The following TULP2 variants were observed in gnomAD, a reference collection of about 807,000 sequenced individuals.
The protein encoded by TULP2 is tubby-related protein 2.
TULP2 carries 64 observed loss-of-function variants against 60.3 expected under a neutral mutation model. The ratio of observed to expected loss-of-function variants is 1.06; its 90% CI spans 0.87 to 1.31. The LOEUF (loss-of-function observed/expected upper bound fraction) is 1.31. TULP2 is among the 50% of genes most tolerant of loss of function. The pLI is 0.00. For missense variants in TULP2, 652 were observed against 667.0 expected (o/e 0.98, Z 0.25); for synonymous variants, 267 against 265.4 (o/e 1.01, Z -0.06).
chr19:48,892,555 G>A (rs1172625233), intron 6 of TULP2, among the ~76,000 whole-genome samples: 1 of 151,408 alleles, frequency 6.6e-6, no homozygotes, highest in African/African-American at 2.4e-5. Flanking sequence ...CCAGGCTGGA[G>A]TGCAGTGGCG....
chr19:48,888,301 C>T (rs376440173), intron 7 of TULP2, 40 bp from the exon 8 acceptor site: 26 of 1,546,742 alleles, frequency 1.7e-5, no homozygotes, highest in Admixed American at 7.5e-5. Context: ...GGACAACCAC[C>T]GGCCCAGCCT....
chr19:48,896,415 G>C lies in TULP2; in HGVS notation c.211+15C>G. 6.3e-7 allele frequency: 1 copy of C among 1,593,746 alleles called. No individual in the cohort carries two copies. The highest frequency in any genetic ancestry group is 1.1e-5 in the South Asian group (1 of 88,798). On this transcript the variant is annotated intron_variant, in intron 4 of 12. Coordinates refer to ENST00000221399, the MANE Select transcript of TULP2 (RefSeq NM_003323.3). ...CCTCCCCTCCAGGCGAACGCCCCCA[G>C]GGGTCTTTGGTCACCTCTGTCACCT...
chr19:48,897,332 C>T lies in TULP2; in HGVS notation c.84+13G>A. 1.9e-6 allele frequency: 3 copies of T among 1,613,332 alleles called. No individual in the cohort carries two copies. Among genetic ancestry groups the T allele is most frequent in the Non-Finnish European group, 2.5e-6 (3 of 1,179,680 alleles). On this transcript the variant is annotated intron_variant, in intron 3 of 12. Coordinates refer to ENST00000221399, the MANE Select transcript of TULP2 (RefSeq NM_003323.3). The surrounding 1 kb of genome is among the most constrained non-coding windows in gnomAD (Gnocchi z 4.0). ...CGGAAGAGTTGGAGTGGTGAGATTC[C>T]TGGGCACAATACCTGCTGTTCCAGC...
chr19:48,896,295 C>T (rs933030043), intron 4 of TULP2, 135 bp downstream of exon 4: 1 of 1,313,024 alleles, frequency 7.6e-7, no homozygotes, highest in African/African-American at 1.5e-5. Context: ...CTAAAGCTCT[C>T]CTGGGCCAAG....
chr19:48,892,663 C>G (rs1568575215), intron 6 of TULP2, among the ~76,000 whole-genome samples: 1 of 151,928 alleles, frequency 6.6e-6, no homozygotes, highest in African/African-American at 2.4e-5. Context: ...ACCACCGCAA[C>G]CGGCTAATTT....
intron 6 of TULP2, among the ~76,000 whole-genome samples, chr19:48,894,357 T>A: frequency 6.6e-6 from 1 of 151,972 alleles, no homozygotes; most frequent in Non-Finnish European, 1.5e-5. Flanking sequence ...AACAGCTATT[T>A]ACGGGCCAGG....
chr19:48,887,992 G>C lies in TULP2; in HGVS notation c.906C>G (p.Phe302Leu), dbSNP rs146654301. Residue 302 changes from phenylalanine (F) to leucine (L), a missense_variant, in exon 8 of 13, where the codon TTC (phenylalanine) becomes TTG (leucine). By Grantham distance (22) the Phe-to-Leu change is conservative. Coordinates refer to ENST00000221399, the MANE Select transcript of TULP2 (RefSeq NM_003323.3). ...TCTCCAGGTAGAGGTAGTAGAGGGG[G>C]AACAAGCCCTTGTCCACGCCGTGCT... ...RDKHGVDKGL[F>L]PLYYLYLETS... 6.2e-7 allele frequency: 1 copy of C among 1,614,134 alleles called. No homozygotes were observed. Among genetic ancestry groups the C allele is most frequent in the South Asian group, 1.1e-5 (1 of 91,080 alleles).
chr19:48,895,361 A>C lies in TULP2; in HGVS notation c.349+5T>G, dbSNP rs769445390. On this transcript the variant is annotated splice_donor_5th_base_variant and intron_variant, in intron 5 of 12. Transcript: ENST00000221399. ...GGTCTAGGAGGTCGGTGGACTCGCA[A>C]ATACCTGCTTCTGTCCGCGGTGTCG... is the stretch of plus-strand genomic sequence containing the variant. 1.2e-6 allele frequency: 2 copies of C among 1,613,160 alleles called. No homozygotes were observed. The highest frequency in any genetic ancestry group is 1.7e-5 in the Admixed American group (1 of 59,906).
At chr19:48,890,630 C>T (rs1568573917) in intron 6 of TULP2, among the ~76,000 whole-genome samples, 1 of 152,194 alleles carries the variant, frequency 6.6e-6, no homozygotes, top group Non-Finnish European at 1.5e-5. Context: ...GGACTAAGCT[C>T]AGGACAGCTG....
intron 7 of TULP2, 26 bp from the exon 8 acceptor site, chr19:48,888,287 C>T (rs751169985): frequency 5.8e-6 from 9 of 1,558,488 alleles, no homozygotes; most frequent in Admixed American, 5.5e-5. Flanking sequence ...AATTTAAAGT[C>T]GAGGGACAAC....
chr19:48,884,617 A>G (rs1262550199), intron 9 of TULP2, among the ~76,000 whole-genome samples: 1 of 151,650 alleles, frequency 6.6e-6, no homozygotes, highest in Non-Finnish European at 1.5e-5. Flanking sequence ...CTAAAAATAC[A>G]AAATTAGCCA....
chr19:48,896,194 G>T (rs546933562), intron 4 of TULP2, among the ~76,000 whole-genome samples: 5 of 151,096 alleles, frequency 3.3e-5, no homozygotes, highest in Admixed American at 2.0e-4. Context: ...CCGCCCCTGC[G>T]CTCTGTAGCC....
At position 48,883,979 on chromosome 19, in the gene TULP2, T is replaced by C. The variant is rs1442721199; in HGVS notation, c.1129A>G (p.Thr377Ala). 6.8e-6 allele frequency: 11 copies of C among 1,614,120 alleles called. No homozygotes were observed. Among genetic ancestry groups the C allele is most frequent in the South Asian group, 3.3e-5 (3 of 91,078 alleles). Reference sequence around the variant, plus strand: ...TGTCTGATCCGGGCAGTATTCCTGGTTAAATGCTCCCGGTCAGGATTCACC... The same window carrying C: ...TGTCTGATCCGGGCAGTATTCCTGGCTAAATGCTCCCGGTCAGGATTCACC... ...NGVNPDREHL[T>A]RNTARIRQEL... The change falls in exon 10 of 13, where the codon ACC becomes GCC. Residue 377 changes from threonine (T) to alanine (A), a missense_variant. By Grantham distance (58) the Thr-to-Ala change is moderately conservative (BLOSUM62 0). Transcript: ENST00000221399.
intron 11 of TULP2, 65 bp from the exon 12 acceptor site, chr19:48,882,268 C>T (rs1264172968): frequency 2.5e-6 from 4 of 1,580,284 alleles, no homozygotes; most frequent in African/African-American, 1.4e-5. Flanking sequence ...TGAACAGGGG[C>T]GACTCCATCT....
rs1202034591 is a variant in TULP2, at chr19:48,887,972, A to G, written c.926T>C (p.Leu309Pro). ...CACCTGCAGGCTGTCAGAGGTCTCC[A>G]GGTAGAGGTAGTAGAGGGGGAACAA... ...KGLFPLYYLY[L>P]ETSDSLQRFL... Residue 309 changes from leucine to proline, a missense_variant, in exon 8 of 13, where the codon CTG becomes CCG. By Grantham distance (98) the Leu-to-Pro change is moderately conservative. Coordinates refer to ENST00000221399, the MANE Select transcript of TULP2 (RefSeq NM_003323.3). 3.1e-6 allele frequency: 5 copies of G among 1,611,602 alleles called. No homozygotes were observed. The highest frequency in any genetic ancestry group is 4.2e-6 in the Non-Finnish European group (5 of 1,178,014).
At chr19:48,891,754 C>T (rs2037235698) in intron 6 of TULP2, among the ~76,000 whole-genome samples, 1 of 152,128 alleles carries the variant, frequency 6.6e-6, no homozygotes. Context: ...CCCGCACCAG[C>T]GCTGATCTCT....
At position 48,897,930 on chromosome 19, in the gene TULP2, C is replaced by T. The variant is rs2037297034; in HGVS notation, c.-1-61G>A. ...CAACATCCCAATGGATCCTGCCCACCAGCACCTAATCTTTAGCCTTATTTA... is the reference window on the plus strand; with the variant it reads ...CAACATCCCAATGGATCCTGCCCACTAGCACCTAATCTTTAGCCTTATTTA... On this transcript the variant is annotated intron_variant, in intron 1 of 12. Transcript: ENST00000221399. This position sits in a 1 kb window ranked among gnomAD's most constrained non-coding sequence, Gnocchi z 4.0. 2 of 1,391,884 alleles carry T rather than the reference C, an allele frequency of 1.4e-6. No individual in the cohort carries two copies. Among genetic ancestry groups the T allele is most frequent in the African/African-American group, 1.4e-5 (1 of 69,076 alleles). 86.2% of individuals were successfully genotyped at this position (1,391,884 alleles called of 1,614,324 possible). A position where few individuals can be genotyped will look rare whatever the true frequency, so the allele number is the denominator to read the frequency against.
In TULP2 at chr19:48,888,280, T is replaced by A; in HGVS notation, c.637-19A>T. On this transcript the variant is annotated intron_variant, in intron 7 of 12. Transcript: ENST00000221399. ...CTTCTTCCTAGCCCAGGCACCAAAT[T>A]TAAAGTCGAGGGACAACCACCGGCC... 1 of 1,565,386 alleles carries A rather than the reference T, an allele frequency of 6.4e-7. No individual in the cohort carries two copies. Among genetic ancestry groups the A allele is most frequent in the Non-Finnish European group, 8.7e-7 (1 of 1,151,682 alleles).
rs369194871 is a variant in TULP2, at chr19:48,882,185, T to A, written c.1294A>T (p.Ser432Cys). ...TGTTTGTCCCCACGTTGGTAACGAC[T>A]CAGTAGCGACTCCTGTTCCTAGAAG... Reference protein sequence around the residue: ...QPLNEQESLLSRYQRGDKQGL... With the variant: ...QPLNEQESLLCRYQRGDKQGL... Residue 432 changes from serine (S) to cysteine (C), a missense_variant, in exon 12 of 13, where the codon AGT becomes TGT. Ser to Cys is a moderately radical substitution (Grantham distance 112). Transcript: ENST00000221399. 4 of 1,614,180 alleles carry A rather than the reference T, an allele frequency of 2.5e-6. No homozygotes were observed. The East Asian group carries it at 8.9e-5, about 36-fold the overall frequency.
Sources: allele counts gnomAD v4.1 joint callset (sites outside exome capture counted in the v4.1 genomes callset), GRCh38; gene constraint gnomAD v4.1.1; non-coding constraint Gnocchi (gnomAD v3.1); transcripts MANE v1.5; gene names NCBI Gene and HGNC (gene_info 2026-07-23, HGNC 2026-07-21).